CRISP2: variants seen among roughly 807,000 people sequenced by gnomAD.
CRISP2 encodes the protein cysteine rich secretory protein 2, also known as cysteine-rich secretory protein 2.
CRISP2 carries 29 observed loss-of-function variants against 31.7 expected under a neutral mutation model. The ratio of observed to expected loss-of-function variants is 0.92; its 90% CI spans 0.68 to 1.25. The LOEUF is 1.25. Among genes scored for constraint, CRISP2 ranks in the 50% most tolerant of loss-of-function variants. The pLI is 0.00. For missense variants in CRISP2, 318 were observed against 286.5 expected, an observed-to-expected ratio of 1.11 and a Z score of -0.79; for synonymous variants, 111 against 101.4, an observed-to-expected ratio of 1.09 and a Z score of -0.57.
chr6:49,676,795 T>G, the CRISP2 span, among the ~76,000 whole-genome samples: 2 of 152,092 alleles, frequency 1.3e-5, no homozygotes, highest in Non-Finnish European at 2.9e-5. Context: ...GATTGTTGAT[T>G]GGTCAGGGTA....
rs191452542 is a variant in CRISP2 at position 49,710,802 on chromosome 6, C to T, written c.-10+483G>A. ...TAAAAGAATAAAATTAACTTGAGGTCATTCTCAATACAAATTTATTAAAGT... is the reference window on the plus strand; with the variant it reads ...TAAAAGAATAAAATTAACTTGAGGTTATTCTCAATACAAATTTATTAAAGT... On this transcript the variant is annotated intron_variant, in intron 3 of 9. Transcript: ENST00000339139. Among the ~76,000 whole-genome samples, 325 of 152,148 alleles carry T rather than the reference C, an allele frequency of 2.1e-3. 1 individual carries two copies. Among genetic ancestry groups the T allele is most frequent in the Non-Finnish European group, 3.5e-3 (237 of 68,008 alleles).
chr6:49,707,135 G>A (rs1048479462), intron 4 of CRISP2, among the ~76,000 whole-genome samples: 1 of 152,094 alleles, frequency 6.6e-6, no homozygotes. Flanking sequence ...ATTTTTAAAT[G>A]TGTTAATAAA....
At chr6:49,683,410 C>T in the CRISP2 span, among the ~76,000 whole-genome samples, 10 of 150,798 alleles carry the variant, frequency 6.6e-5, no homozygotes, top group Non-Finnish European at 1.3e-4. Context: ...CGCAGTGGCT[C>T]ATGCCTGTAA....
At chr6:49,679,991 C>T in the CRISP2 span, among the ~76,000 whole-genome samples, 2 of 152,140 alleles carry the variant, frequency 1.3e-5, no homozygotes, top group Non-Finnish European at 2.9e-5. Context: ...CAGGTGTGAG[C>T]CACTGCACCC....
At chr6:49,685,842 A>T in the CRISP2 span, among the ~76,000 whole-genome samples, 1 of 152,150 alleles carries the variant, frequency 6.6e-6, no homozygotes, top group African/African-American at 2.4e-5. Context: ...CCACTTCTTA[A>T]TTATATTAAT....
the CRISP2 span, among the ~76,000 whole-genome samples, chr6:49,685,750 GT>G: frequency 2.0e-5 from 3 of 151,996 alleles, no homozygotes; most frequent in South Asian, 2.1e-4. Context: ...TAGGTCGGCT[GT>G]TTTTTCCCCC....
At chr6:49,681,512 G>A in the CRISP2 span, among the ~76,000 whole-genome samples, 1 of 152,106 alleles carries the variant, frequency 6.6e-6, no homozygotes, top group Admixed American at 6.6e-5. Flanking sequence ...GAATTCTGCT[G>A]AAACTTTAGA....
downstream of CRISP2, among the ~76,000 whole-genome samples, chr6:49,690,423 A>T (rs1764013865): frequency 6.6e-6 from 1 of 152,162 alleles, no homozygotes; most frequent in Non-Finnish European, 1.5e-5. Context: ...TTCTGACCAG[A>T]TTAAGTAAGA....
At chr6:49,694,900 A>G (rs1764502260) in intron 9 of CRISP2, among the ~76,000 whole-genome samples, 1 of 151,928 alleles carries the variant, frequency 6.6e-6, no homozygotes, top group African/African-American at 2.4e-5. Context: ...CACCTGGCTC[A>G]TTTTTGTATT....
At position 49,695,877 on chromosome 6, in the gene CRISP2, G is replaced by C; in HGVS notation, c.563C>G (p.Pro188Arg). 1 of 1,613,116 alleles carries C rather than the reference G, an allele frequency of 6.2e-7. No individual in the cohort carries two copies. Among genetic ancestry groups the C allele is most frequent in the Admixed American group, 1.7e-5 (1 of 59,958 alleles). ...RKNTPYQQGT[P>R]CAGCPDDCDK... ...ACAGTCATCAGGGCAACCGGCACAA[G>C]GTGTTCCTTGTTGGTACGGGGTATT... The change falls in exon 9 of 10, where the codon CCT becomes CGT. Residue 188 changes from proline to arginine, a missense_variant. Transcript: ENST00000339139.
At chr6:49,710,676 T>G (rs1046093267) in intron 3 of CRISP2, among the ~76,000 whole-genome samples, 6 of 152,220 alleles carry the variant, frequency 3.9e-5, no homozygotes, top group Non-Finnish European at 7.4e-5. Flanking sequence ...ACATGAGAAT[T>G]AATTCCATTA....
the CRISP2 span, among the ~76,000 whole-genome samples, chr6:49,684,135 A>C: frequency 7.9e-5 from 12 of 152,254 alleles, no homozygotes; most frequent in East Asian, 2.3e-3. Context: ...TAAAGTGCAA[A>C]AATGAATATA....
At chr6:49,691,537 C>T (rs1054338091), downstream of CRISP2, among the ~76,000 whole-genome samples, 1 of 151,962 alleles carries the variant, frequency 6.6e-6, no homozygotes, top group African/African-American at 2.4e-5. Flanking sequence ...GATACATTTA[C>T]TAAATGTTTG....
downstream of CRISP2, among the ~76,000 whole-genome samples, chr6:49,690,954 G>C (rs1764031142): frequency 6.6e-6 from 1 of 151,268 alleles, no homozygotes; most frequent in Admixed American, 6.6e-5. Context: ...TGGTATAGAG[G>C]GTTTTTTTTT....
At chr6:49,704,079 A>C (rs562471338) in intron 4 of CRISP2, among the ~76,000 whole-genome samples, 66 of 152,106 alleles carry the variant, frequency 4.3e-4, no homozygotes, top group African/African-American at 1.6e-3. Flanking sequence ...CTTTGTTAGA[A>C]TGGGTTAATT....
At chr6:49,705,382 G>T (rs566334595) in intron 4 of CRISP2, among the ~76,000 whole-genome samples, 4 of 152,108 alleles carry the variant, frequency 2.6e-5, no homozygotes, top group Non-Finnish European at 5.9e-5. Context: ...CAATAGAGCT[G>T]AATTTATATC....
At chr6:49,706,229 G>A (rs983939072) in intron 4 of CRISP2, among the ~76,000 whole-genome samples, 2 of 152,116 alleles carry the variant, frequency 1.3e-5, no homozygotes, top group African/African-American at 4.8e-5. Context: ...AAATTTTATG[G>A]GGCAGTTTTC....
At chr6:49,700,564 A>T in intron 5 of CRISP2, 104 bp downstream of exon 5, 1 of 727,414 alleles carries the variant, frequency 1.4e-6, no homozygotes, top group Non-Finnish European at 2.5e-6. Flanking sequence ...CAAAACAGAG[A>T]CACAACTTTG....
rs1304935394 is a variant in CRISP2, at chr6:49,695,819, A to C, written c.604+17T>G. The C allele has an allele frequency of 6.6e-7, 1 of 1,517,882 alleles. No homozygotes were observed. The highest frequency in any genetic ancestry group is 1.2e-5 in the South Asian group (1 of 84,508). The allele number at this position is 1,517,882 out of a possible 1,614,324, so 94.0% of individuals were successfully genotyped here. On this transcript the variant is annotated intron_variant, in intron 9 of 9. Coordinates refer to ENST00000339139, the MANE Select transcript of CRISP2 (RefSeq NM_003296.4). The stretch of plus-strand genomic sequence containing the variant: ...ATTCTATAATAAATAATAGCAAGCT[A>C]ATCACTTCAAACTTACTGCATAGTC...
Sources: allele counts gnomAD v4.1 joint callset (sites outside exome capture counted in the v4.1 genomes callset), GRCh38; gene constraint gnomAD v4.1.1; transcripts MANE v1.5; gene names NCBI Gene and HGNC (gene_info 2026-07-23, HGNC 2026-07-21).